The following PLCB4 variants were observed in gnomAD, a reference collection of about 807,000 sequenced individuals.
PLCB4 encodes the protein phospholipase C beta 4.
A neutral mutation model predicts 178.8 loss-of-function variants in PLCB4; 77 were observed. The ratio of observed to expected loss-of-function variants is 0.43; its 90% confidence interval spans 0.36 to 0.52. PLCB4 has a LOEUF of 0.52. PLCB4 is among the 20% of genes least tolerant of loss of function. The pLI, the probability that PLCB4 is intolerant of heterozygous loss-of-function variation, is 0.00. For missense variants in PLCB4, 1,024 were observed against 1,453.4 expected (o/e 0.70, Z 4.80); for synonymous variants, 496 against 490.8 (o/e 1.01, Z -0.14).
chr20:9,373,909 C>CT (rs2036457838), intron 12 of PLCB4, among the ~76,000 whole-genome samples: 1 of 152,018 alleles, frequency 6.6e-6, no homozygotes, highest in Admixed American at 6.6e-5. Flanking sequence ...GGAAAATTCA[C>CT]TTTTTTTTCT....
intron 3 of PLCB4, among the ~76,000 whole-genome samples, chr20:9,287,826 G>A (rs1450532840): frequency 6.6e-6 from 1 of 152,042 alleles, no homozygotes; most frequent in Non-Finnish European, 1.5e-5. Context: ...GCATTTCATG[G>A]CTTAATCTTA....
At chr20:9,232,225 C>A (rs1038021228) in intron 3 of PLCB4, among the ~76,000 whole-genome samples, 12 of 152,212 alleles carry the variant, frequency 7.9e-5, no homozygotes, top group African/African-American at 2.4e-4. Context: ...CCTCTAATAT[C>A]TTGATTGTGA....
intron 1 of PLCB4, among the ~76,000 whole-genome samples, chr20:9,077,530 G>A (rs1407534731): frequency 1.3e-5 from 2 of 152,158 alleles, no homozygotes; most frequent in African/African-American, 4.8e-5. Context: ...TTTAGAAACA[G>A]ACTATGTCCT....
At chr20:9,303,117 G>A (rs2094724945) in intron 3 of PLCB4, among the ~76,000 whole-genome samples, 1 of 152,118 alleles carries the variant, frequency 6.6e-6, no homozygotes, top group Non-Finnish European at 1.5e-5. Flanking sequence ...AGGGGGGTCT[G>A]TGGGTCTATT....
intron 3 of PLCB4, among the ~76,000 whole-genome samples, chr20:9,251,845 A>G (rs963892611): frequency 6.6e-6 from 1 of 152,214 alleles, no homozygotes; most frequent in African/African-American, 2.4e-5. Context: ...TTGAGAAAGC[A>G]AAAAGAAAAC....
At chr20:9,406,597 G>C (rs1020256261) in intron 21 of PLCB4, among the ~76,000 whole-genome samples, 1 of 151,382 alleles carries the variant, frequency 6.6e-6, no homozygotes, top group African/African-American at 2.4e-5. Context: ...CACTTCATTC[G>C]CCATTCTCCT....
Position 9,437,056 on chromosome 20 carries a change from G to T in PLCB4, c.2668G>T (p.Ala890Ser). The T allele has an allele frequency of 3.7e-6, 6 of 1,613,966 alleles. No homozygotes were observed. The highest frequency in any genetic ancestry group is 4.2e-6 in the Non-Finnish European group (5 of 1,179,910). Residue 890 changes from alanine to serine, a missense_variant, in exon 30 of 40, where the codon GCC becomes TCC. Physicochemically the swap from Ala to Ser is moderately conservative, Grantham distance 99. Transcript: ENST00000378473. ...DTSKNDKKGK[A>S]NTAKANVTPQ... is the part of the protein sequence containing the mutation. Reference sequence around the variant, plus strand: ...TTCCAAAAATGACAAGAAAGGAAAGGCCAACACCGCCAAAGCAAATGTGAC... The same window carrying T: ...TTCCAAAAATGACAAGAAAGGAAAGTCCAACACCGCCAAAGCAAATGTGAC...
At chr20:9,085,777 A>T (rs911044002) in intron 1 of PLCB4, among the ~76,000 whole-genome samples, 1 of 152,202 alleles carries the variant, frequency 6.6e-6, no homozygotes, top group Non-Finnish European at 1.5e-5. Context: ...TATTTGTATA[A>T]CATCCTCAAT....
intron 35 of PLCB4, among the ~76,000 whole-genome samples, chr20:9,463,127 A>G (rs2043513624): frequency 6.6e-6 from 1 of 152,176 alleles, no homozygotes; most frequent in Non-Finnish European, 1.5e-5. Flanking sequence ...ATTCTTAAAG[A>G]AAGGATTTTC....
At chr20:9,073,947 C>A (rs538500641) in intron 1 of PLCB4, among the ~76,000 whole-genome samples, 2 of 151,982 alleles carry the variant, frequency 1.3e-5, no homozygotes, top group South Asian at 4.1e-4. Context: ...TACCATATTG[C>A]GAAGGGCATT....
At chr20:9,453,591 C>A in intron 33 of PLCB4, 129 bp downstream of exon 33, 1 of 598,954 alleles carries the variant, frequency 1.7e-6, no homozygotes, top group Admixed American at 3.1e-5. Context: ...AAAATTATTC[C>A]TGGGAAGTAA....
chr20:9,466,577 A>C (rs1443827304), intron 35 of PLCB4, among the ~76,000 whole-genome samples: 1 of 152,224 alleles, frequency 6.6e-6, no homozygotes, highest in Non-Finnish European at 1.5e-5. Flanking sequence ...GAACTCAAAC[A>C]AATTTACAAG....
intron 2 of PLCB4, among the ~76,000 whole-genome samples, chr20:9,127,675 TATCTATCTATCC>T (rs968482997): frequency 2.4e-5 from 3 of 122,978 alleles, no homozygotes; most frequent in African/African-American, 8.6e-5. Context: ...TCTATCTATC[TATCTATCTATCC>T]ATCCATCCAT....
intron 2 of PLCB4, among the ~76,000 whole-genome samples, chr20:9,182,087 G>A (rs1052461095): frequency 2.0e-5 from 3 of 152,134 alleles, no homozygotes; most frequent in African/African-American, 2.4e-5. Context: ...AACCTGGCCC[G>A]TGGAAAATGT....
At chr20:9,421,858 T>C (rs903817710) in intron 27 of PLCB4, among the ~76,000 whole-genome samples, 13 of 152,210 alleles carry the variant, frequency 8.5e-5, no homozygotes, top group Admixed American at 1.3e-4. Context: ...TAGATGTCAC[T>C]ACATGGGTCA....
chr20:9,384,546 T>C, intron 14 of PLCB4, 135 bp downstream of exon 14: 1 of 647,436 alleles, frequency 1.5e-6, no homozygotes, highest in South Asian at 2.0e-5. Flanking sequence ...ATTATCATGG[T>C]CATTTAACGT....
chr20:9,377,519 TTG>T (rs1231507885), intron 12 of PLCB4, among the ~76,000 whole-genome samples: 2 of 152,204 alleles, frequency 1.3e-5, no homozygotes, highest in East Asian at 1.9e-4. Flanking sequence ...CCAGATTGAT[TTG>T]TGTTACCTTT....
At chr20:9,377,982 G>C (rs992684794) in intron 12 of PLCB4, among the ~76,000 whole-genome samples, 1 of 152,122 alleles carries the variant, frequency 6.6e-6, no homozygotes, top group Admixed American at 6.6e-5. Context: ...GTAGATCTAG[G>C]GAGGGACCTG....
chr20:9,253,541 T>G (rs1453804343), intron 3 of PLCB4, among the ~76,000 whole-genome samples: 1 of 152,186 alleles, frequency 6.6e-6, no homozygotes, highest in East Asian at 1.9e-4. Context: ...TTCCCGTCTC[T>G]TTTTCCACTT....
Sources: gnomAD v4.1 joint callset for allele counts (sites outside exome capture counted in the v4.1 genomes callset) on GRCh38, gnomAD v4.1.1 for gene constraint, MANE v1.5 for transcripts, NCBI Gene and HGNC (gene_info 2026-07-23, HGNC 2026-07-21) for gene names.